NALF1: variants seen among roughly 807,000 people sequenced by gnomAD.
The protein encoded by NALF1 is NALCN channel auxiliary factor 1.
A neutral mutation model predicts 48.4 loss-of-function variants in NALF1; 3 were observed. That is an observed-to-expected ratio of 0.06 (90% CI 0.03 to 0.16). The LOEUF (loss-of-function observed/expected upper bound fraction) is 0.16, where lower values mean the gene tolerates loss of function less well. NALF1 is among the 10% of genes least tolerant of loss of function. The probability of loss-of-function intolerance (pLI) is 1.00; values close to 1 mark genes in which losing one functional copy is unlikely to be tolerated. For missense variants in NALF1, 526 were observed against 571.5 expected, an observed-to-expected ratio of 0.92 and a Z score of 0.81; for synonymous variants, 262 against 245.7, an observed-to-expected ratio of 1.07 and a Z score of -0.62.
chr13:107,340,486 T>TGTC (rs1882655047), intron 1 of NALF1, among the ~76,000 whole-genome samples: 1 of 29,578 alleles, frequency 3.4e-5, no homozygotes, highest in Admixed American at 4.7e-4. Flanking sequence ...TCTTTCTTTC[T>TGTC]TTTTGTCTTT....
At chr13:107,652,080 G>C (rs1880462172) in intron 1 of NALF1, among the ~76,000 whole-genome samples, 1 of 152,120 alleles carries the variant, frequency 6.6e-6, no homozygotes, top group Non-Finnish European at 1.5e-5. Flanking sequence ...ATGCAGAACT[G>C]ACTTCAATTT....
intron 1 of NALF1, among the ~76,000 whole-genome samples, chr13:107,429,173 T>C (rs1350232606): frequency 6.6e-6 from 1 of 151,948 alleles, no homozygotes; most frequent in Non-Finnish European, 1.5e-5. Context: ...AAATATAAAA[T>C]TAGCCGGGCG....
intron 1 of NALF1, among the ~76,000 whole-genome samples, chr13:107,270,763 A>G (rs2138862821): frequency 6.6e-6 from 1 of 151,826 alleles, no homozygotes; most frequent in African/African-American, 2.4e-5. Flanking sequence ...TGCTGCACCC[A>G]TTAACTCGTC....
At chr13:107,729,643 A>AT (rs897277708) in intron 1 of NALF1, among the ~76,000 whole-genome samples, 2 of 151,934 alleles carry the variant, frequency 1.3e-5, no homozygotes, top group Middle Eastern at 3.4e-3. Context: ...CGCCCAGCTA[A>AT]TTTTTTTGTA....
intron 1 of NALF1, among the ~76,000 whole-genome samples, chr13:107,458,446 T>C (rs1884862012): frequency 6.6e-6 from 1 of 152,194 alleles, no homozygotes; most frequent in South Asian, 2.1e-4. Context: ...TGGTAACCAC[T>C]GTCGCCGGCA....
chr13:107,215,204 G>A (rs1163456622), intron 1 of NALF1, among the ~76,000 whole-genome samples: 1 of 152,190 alleles, frequency 6.6e-6, no homozygotes, highest in Non-Finnish European at 1.5e-5. Flanking sequence ...TACACTCCAT[G>A]TTATTCGGAA....
intron 1 of NALF1, among the ~76,000 whole-genome samples, chr13:107,260,232 A>C (rs1880904238): frequency 6.6e-6 from 1 of 152,228 alleles, no homozygotes; most frequent in Non-Finnish European, 1.5e-5. Context: ...CTCGGGATGA[A>C]GTCATCGTTA....
At chr13:107,541,766 G>C (rs1363073190) in intron 1 of NALF1, among the ~76,000 whole-genome samples, 1 of 152,110 alleles carries the variant, frequency 6.6e-6, no homozygotes, top group South Asian at 2.1e-4. Context: ...ATAAAGAAGA[G>C]CAGCAGACTC....
chr13:107,812,860 G>A (rs1277688181), intron 1 of NALF1, among the ~76,000 whole-genome samples: 1 of 152,196 alleles, frequency 6.6e-6, no homozygotes, highest in East Asian at 1.9e-4. Context: ...GCGTGCAGTG[G>A]TGTCATCTTG....
At chr13:107,173,167 A>G (rs1380072669) in intron 2 of NALF1, among the ~76,000 whole-genome samples, 2 of 152,178 alleles carry the variant, frequency 1.3e-5, no homozygotes, top group African/African-American at 4.8e-5. Flanking sequence ...TGCATTTCTG[A>G]GAATAACATG....
chr13:107,255,350 T>C (rs888226405), intron 1 of NALF1, among the ~76,000 whole-genome samples: 1 of 152,220 alleles, frequency 6.6e-6, no homozygotes, highest in African/African-American at 2.4e-5. Flanking sequence ...TGTTTTAGTA[T>C]CTTCTAATAC....
chr13:107,310,409 CAAAA>C (rs397955378), intron 1 of NALF1, among the ~76,000 whole-genome samples: 2 of 80,050 alleles, frequency 2.5e-5, no homozygotes, highest in Non-Finnish European at 2.8e-5. Flanking sequence ...GATTCCATCT[CAAAA>C]AAAAAAAAAA....
intron 1 of NALF1, among the ~76,000 whole-genome samples, chr13:107,777,558 ACT>A (rs1040560364): frequency 6.6e-6 from 1 of 151,880 alleles, no homozygotes; most frequent in Admixed American, 6.6e-5. Context: ...CTTCCCCGCA[ACT>A]CTTTCTCTTG....
At chr13:107,852,518 T>C (rs1387912061) in intron 1 of NALF1, among the ~76,000 whole-genome samples, 1 of 152,212 alleles carries the variant, frequency 6.6e-6, no homozygotes, top group Admixed American at 6.5e-5. Context: ...AAAATGTTTC[T>C]TTATGCAGCA....
chr13:107,824,906 G>A (rs1018290138), intron 1 of NALF1, among the ~76,000 whole-genome samples: 2 of 152,192 alleles, frequency 1.3e-5, no homozygotes, highest in African/African-American at 4.8e-5. Context: ...AATGTCAGAT[G>A]TGTGAAAGTA....
At chr13:107,713,589 G>A (rs1421427318) in intron 1 of NALF1, among the ~76,000 whole-genome samples, 1 of 152,160 alleles carries the variant, frequency 6.6e-6, no homozygotes, top group African/African-American at 2.4e-5. Context: ...ATAGATTTAA[G>A]AGTGGATTTT....
At chr13:107,557,827 G>T (rs1031122943) in intron 1 of NALF1, among the ~76,000 whole-genome samples, 2 of 152,272 alleles carry the variant, frequency 1.3e-5, no homozygotes, top group East Asian at 3.9e-4. Flanking sequence ...CCATGCAGCT[G>T]AGGAACCGAA....
intron 1 of NALF1, among the ~76,000 whole-genome samples, chr13:107,295,326 T>C (rs1015187896): frequency 2.0e-5 from 3 of 152,234 alleles, no homozygotes; most frequent in Non-Finnish European, 4.4e-5. Context: ...GATTTCATTA[T>C]TTTTTATGGC....
chr13:107,391,766 CT>C (rs1883631682), intron 1 of NALF1, among the ~76,000 whole-genome samples: 2 of 152,134 alleles, frequency 1.3e-5, no homozygotes, highest in African/African-American at 4.8e-5. Context: ...CCTGCCCCCG[CT>C]TTGAGTTGTC....
Sources: gnomAD v4.1 joint callset for allele counts (sites outside exome capture counted in the v4.1 genomes callset) on GRCh38, gnomAD v4.1.1 for gene constraint, MANE v1.5 for transcripts, NCBI Gene and HGNC (gene_info 2026-07-23, HGNC 2026-07-21) for gene names.